APBA2: variants seen among roughly 807,000 people sequenced by gnomAD.
APBA2 encodes amyloid-beta A4 precursor protein-binding family A member 2.
Under a neutral mutation model 75.0 loss-of-function variants are expected in APBA2, and 30 were observed. The ratio of observed to expected loss-of-function variants is 0.40; its 90% CI spans 0.30 to 0.54. The LOEUF is 0.54. Ranked by LOEUF, APBA2 falls within the 20% of genes least tolerant of loss-of-function variation. APBA2 has a pLI of 0.49. For synonymous variants in APBA2, 444 were observed against 409.6 expected, an observed-to-expected ratio of 1.08 and a Z score of -1.01; for missense variants, 801 against 1,016.1, an observed-to-expected ratio of 0.79 and a Z score of 2.88.
At chr15:29,049,079 A>G (rs1349171936) in intron 3 of APBA2, among the ~76,000 whole-genome samples, 1 of 152,180 alleles carries the variant, frequency 6.6e-6, no homozygotes, top group African/African-American at 2.4e-5. Context: ...AACATGAGAA[A>G]CAGAATAGTC....
At chr15:29,020,349 A>T (rs1024268671) in intron 3 of APBA2, among the ~76,000 whole-genome samples, 1 of 151,378 alleles carries the variant, frequency 6.6e-6, no homozygotes, top group South Asian at 2.1e-4. Flanking sequence ...CACTTTATTT[A>T]GGGATTATAA....
intron 2 of APBA2, among the ~76,000 whole-genome samples, chr15:28,943,955 C>T (rs2035389120): frequency 6.6e-6 from 1 of 152,144 alleles, no homozygotes. Context: ...CCTGCCGTGG[C>T]CCCCATGCTC....
chr15:28,984,756 C>A (rs892431727), intron 2 of APBA2, among the ~76,000 whole-genome samples: 1 of 137,616 alleles, frequency 7.3e-6, no homozygotes, highest in Admixed American at 6.8e-5. Context: ...CTATCTCTCT[C>A]CCCCCCCACC....
At chr15:28,941,502 C>CAAAAAAA (rs72376564) in intron 2 of APBA2, among the ~76,000 whole-genome samples, 2 of 59,828 alleles carry the variant, frequency 3.3e-5, no homozygotes, top group African/African-American at 6.0e-5. Context: ...ACTTGGGAGG[C>CAAAAAAA]AAAAAAAAAA....
At chr15:29,096,761 AATC>A (rs2152956316) in intron 8 of APBA2, among the ~76,000 whole-genome samples, 1 of 152,346 alleles carries the variant, frequency 6.6e-6, no homozygotes, top group African/African-American at 2.4e-5. Context: ...TGAATAATTA[AATC>A]ATAGTTTTTG....
chr15:29,022,995 G>A (rs1232768980), intron 3 of APBA2, among the ~76,000 whole-genome samples: 1 of 152,014 alleles, frequency 6.6e-6, no homozygotes, highest in Non-Finnish European at 1.5e-5. Flanking sequence ...CTATTTGGTT[G>A]TTGCTGGTGC....
chr15:28,887,953 G>T (rs573863535), intron 1 of APBA2, among the ~76,000 whole-genome samples: 90 of 152,248 alleles, frequency 5.9e-4, no homozygotes, highest in African/African-American at 2.1e-3. Flanking sequence ...GGGAGGAGCT[G>T]CAGGCTGAGT....
intron 2 of APBA2, chr15:28,990,533 T>C (rs1385269809): frequency 6.6e-6 from 1 of 152,244 alleles, no homozygotes; most frequent in African/African-American, 2.4e-5. Flanking sequence ...ACATTTGTCC[T>C]GAGGGCAAAT....
intron 2 of APBA2, among the ~76,000 whole-genome samples, chr15:28,923,874 C>T (rs117595005): frequency 2.6e-5 from 4 of 152,312 alleles, no homozygotes; most frequent in South Asian, 2.1e-4. Flanking sequence ...CTGCCTCCAC[C>T]GCCCCCCCGG....
rs575043711 is a variant in APBA2, at chr15:29,016,686, G to A, written c.-41+20880G>A. Among the ~76,000 whole-genome samples the A allele has an allele frequency of 1.3e-4, 20 of 152,256 alleles. No individual in the cohort carries two copies. In the East Asian group the frequency reaches 3.5e-3, roughly 27 times the overall value. ...TTGCAACTCAGGCAGTGAGCCTGGCGGGGAAAGAGAAATGGCTGCTCTTTT... is the reference window on the plus strand; with the variant it reads ...TTGCAACTCAGGCAGTGAGCCTGGCAGGGAAAGAGAAATGGCTGCTCTTTT... On this transcript the variant is annotated intron_variant, in intron 3 of 14. Coordinates refer to ENST00000683413, the MANE Select transcript of APBA2 (RefSeq NM_001353788.2).
At chr15:29,114,848 TGTA>T (rs968178349) in intron 14 of APBA2, among the ~76,000 whole-genome samples, 9 of 147,338 alleles carry the variant, frequency 6.1e-5, no homozygotes, top group East Asian at 2.0e-4. Flanking sequence ...GCATGGGGTG[TGTA>T]GGAGTGCGAG....
intron 2 of APBA2, among the ~76,000 whole-genome samples, chr15:28,972,439 AG>A (rs967575297): frequency 2.0e-5 from 3 of 152,268 alleles, no homozygotes; most frequent in African/African-American, 7.2e-5. Context: ...GAATATCAGC[AG>A]GGCCTCCAGG....
rs375011285 is a variant in APBA2, at chr15:28,966,358, A to G, written c.-94-29395A>G. On this transcript the variant is annotated intron_variant, in intron 2 of 14. Transcript: ENST00000683413. ...TCTTGGCAAGATTTGTTTTTGCTGTATGTGTTTTGTGGTCTGGGGGGTACG... is the reference window on the plus strand; with the variant it reads ...TCTTGGCAAGATTTGTTTTTGCTGTGTGTGTTTTGTGGTCTGGGGGGTACG... Among the ~76,000 whole-genome samples the G allele has an allele frequency of 5.3e-5, 8 of 151,874 alleles. No homozygotes were observed. In the East Asian group the frequency reaches 9.7e-4, roughly 18 times the overall value.
chr15:28,939,271 G>A (rs1028372730), intron 2 of APBA2, among the ~76,000 whole-genome samples: 2 of 152,216 alleles, frequency 1.3e-5, no homozygotes, highest in African/African-American at 4.8e-5. Flanking sequence ...TGCTGGACAC[G>A]TGGGTTGGTT....
intron 3 of APBA2, among the ~76,000 whole-genome samples, chr15:28,997,631 G>T (rs2038600602): frequency 6.6e-6 from 1 of 152,174 alleles, no homozygotes; most frequent in Non-Finnish European, 1.5e-5. Flanking sequence ...ACCCTCTAGG[G>T]ACTGTCCACG....
intron 3 of APBA2, among the ~76,000 whole-genome samples, chr15:29,000,430 A>C (rs1402267351): frequency 1.3e-5 from 2 of 151,140 alleles, no homozygotes; most frequent in Admixed American, 6.6e-5. Context: ...GTTGTGGTAA[A>C]CCCCTGGATG....
At chr15:28,900,824 C>T (rs1454024594) in intron 1 of APBA2, among the ~76,000 whole-genome samples, 1 of 152,154 alleles carries the variant, frequency 6.6e-6, no homozygotes, top group Non-Finnish European at 1.5e-5. Context: ...GGCAGGCACT[C>T]ACTCATTTGC....
Position 28,947,411 on chromosome 15 carries a change from G to A in APBA2, c.-95+25662G>A, listed in dbSNP as rs148154186. Among the ~76,000 whole-genome samples, 791 of 152,298 alleles carry A rather than the reference G, an allele frequency of 5.2e-3. 8 individuals are homozygous for A. Among genetic ancestry groups the A allele is most frequent in the African/African-American group, 0.018 (744 of 41,562 alleles). ...GGCTGGAGTATCCTTGAGAGGCTGT[G>A]CGTTCTCTCGGCTTCTTTTGGAGCC... On this transcript the variant is annotated intron_variant, in intron 2 of 14. Transcript: ENST00000683413.
At chr15:28,936,895 CATG>C (rs2034906229) in intron 2 of APBA2, among the ~76,000 whole-genome samples, 4 of 152,192 alleles carry the variant, frequency 2.6e-5, no homozygotes. Flanking sequence ...GATCTACCCT[CATG>C]CAGATGGTGG....
Sources: gnomAD v4.1 joint callset for allele counts (sites outside exome capture counted in the v4.1 genomes callset) on GRCh38, gnomAD v4.1.1 for gene constraint, MANE v1.5 for transcripts, NCBI Gene and HGNC (gene_info 2026-07-23, HGNC 2026-07-21) for gene names.